Variants in PRTG observed in about 807,000 individuals in gnomAD.
The protein encoded by PRTG is protogenin.
Under a neutral mutation model 122.5 loss-of-function variants are expected in PRTG, and 67 were observed. That is an observed-to-expected ratio of 0.55 (90% CI 0.45 to 0.67). PRTG has a LOEUF of 0.67. Among genes scored for constraint, PRTG ranks in the 30% least tolerant of loss-of-function variants. PRTG has a pLI of 0.00. For missense variants in PRTG, 1,435 were observed against 1,415.4 expected, an observed-to-expected ratio of 1.01 and a Z score of -0.22; for synonymous variants, 554 against 501.1, an observed-to-expected ratio of 1.11 and a Z score of -1.41.
intron 2 of PRTG, among the ~76,000 whole-genome samples, chr15:55,717,905 A>G (rs2030658076): frequency 6.6e-6 from 1 of 152,146 alleles, no homozygotes. Flanking sequence ...GTCTCTTCAC[A>G]TGGACGCGCA....
chr15:55,687,879 C>T (rs1380369584), intron 2 of PRTG, among the ~76,000 whole-genome samples: 1 of 152,192 alleles, frequency 6.6e-6, no homozygotes, highest in African/African-American at 2.4e-5. Flanking sequence ...AAGAAAGAGG[C>T]AACCATGAAT....
rs1021664220 is a variant in PRTG, at chr15:55,646,914, C to G, written c.2042-5706G>C. On this transcript the variant is annotated intron_variant, in intron 11 of 19. Coordinates refer to ENST00000389286, the MANE Select transcript of PRTG (RefSeq NM_173814.6). The stretch of plus-strand genomic sequence containing the variant: ...CTATGGCTGTACTCTCCATCTTCTC[C>G]CTGCTGTCCCTAGGACTGGTCTAAC... 2.6e-5 allele frequency among the ~76,000 whole-genome samples: 4 copies of G among 152,260 alleles called. No homozygotes were observed. In the South Asian group the frequency reaches 8.3e-4, roughly 32 times the overall value.
intron 2 of PRTG, among the ~76,000 whole-genome samples, chr15:55,734,587 TTA>T (rs574842277): frequency 3.3e-5 from 5 of 150,802 alleles, no homozygotes; most frequent in African/African-American, 7.3e-5. Flanking sequence ...TAAAGCTATT[TTA>T]TATATATATA....
intron 2 of PRTG, among the ~76,000 whole-genome samples, chr15:55,719,022 G>A (rs536709712): frequency 6.6e-5 from 10 of 152,266 alleles, no homozygotes; most frequent in South Asian, 2.1e-4. Flanking sequence ...TAGGATTACA[G>A]GCATGAGCCA....
intron 2 of PRTG, chr15:55,738,634 A>T: frequency 1.6e-6 from 1 of 629,626 alleles, no homozygotes; most frequent in Admixed American, 2.5e-5. Flanking sequence ...TATAAGCATA[A>T]AAAGCACACT....
chr15:55,719,781 C>T (rs753535499), intron 2 of PRTG, among the ~76,000 whole-genome samples: 6 of 152,004 alleles, frequency 3.9e-5, no homozygotes, highest in African/African-American at 7.3e-5. Flanking sequence ...GGGTTTGGCC[C>T]GGCGCACTGA....
In PRTG at chr15:55,694,779, G is replaced by A. The variant is rs930032073; in HGVS notation, c.398-10848C>T. 2.0e-5 allele frequency among the ~76,000 whole-genome samples: 3 copies of A among 152,052 alleles called. No individual in the cohort carries two copies. In the East Asian group the frequency reaches 5.8e-4, roughly 29 times the overall value. ...AAATATTTTGCATTTATTTAAATGG[G>A]AAAACACCTCATGTCCTATGCAAAT... On this transcript the variant is annotated intron_variant, in intron 2 of 19. Coordinates refer to ENST00000389286, the MANE Select transcript of PRTG (RefSeq NM_173814.6).
intron 2 of PRTG, among the ~76,000 whole-genome samples, chr15:55,686,434 C>T (rs1054850619): frequency 1.3e-5 from 2 of 152,072 alleles, no homozygotes; most frequent in African/African-American, 4.8e-5. Context: ...AGAAGCTCCC[C>T]CAGCCTGTCC....
At chr15:55,659,932 C>CAAAACAAAAG (rs1209103962) in intron 11 of PRTG, among the ~76,000 whole-genome samples, 2 of 151,746 alleles carry the variant, frequency 1.3e-5, no homozygotes, top group African/African-American at 2.4e-5. Flanking sequence ...GTCTCAAAAA[C>CAAAACAAAAG]AAAACAAAAC....
chr15:55,723,037 G>A (rs2030889417), intron 2 of PRTG, among the ~76,000 whole-genome samples: 1 of 152,124 alleles, frequency 6.6e-6, no homozygotes, highest in Non-Finnish European at 1.5e-5. Context: ...AAAGCCCCTG[G>A]CCTATACCAC....
Position 55,627,179 on chromosome 15 carries a change from T to C in PRTG, c.2807-51A>G, listed in dbSNP as rs564496123. The C allele has an allele frequency of 2.2e-6, 3 of 1,387,966 alleles. No homozygotes were observed. In the East Asian group the frequency reaches 8.0e-5, roughly 37 times the overall value. The allele number at this position is 1,387,966 out of a possible 1,614,324, so 86.0% of individuals were successfully genotyped here. A position where few individuals can be genotyped will look rare whatever the true frequency, so the allele number is the denominator to read the frequency against. Reference sequence around the variant, plus strand: ...GAATCAATCAGAAAAATAAATTATTTAATTTATAATTCTCAGGTACTTGCT... The same window carrying C: ...GAATCAATCAGAAAAATAAATTATTCAATTTATAATTCTCAGGTACTTGCT... On this transcript the variant is annotated intron_variant, in intron 16 of 19. Coordinates refer to ENST00000389286, the MANE Select transcript of PRTG (RefSeq NM_173814.6).
rs2031582448 is a variant in PRTG, at chr15:55,740,699, A to C, written c.95-15T>G. The C allele has an allele frequency of 6.3e-7, 1 of 1,587,872 alleles. No homozygotes were observed. Among genetic ancestry groups the C allele is most frequent in the African/African-American group, 1.4e-5 (1 of 73,268 alleles). On this transcript the variant is annotated splice_polypyrimidine_tract_variant and intron_variant, in intron 1 of 19. Coordinates refer to ENST00000389286, the MANE Select transcript of PRTG (RefSeq NM_173814.6). Reference sequence around the variant, plus strand: ...GCACCACACTCCTATAAGGAAAAAAAAGGAGAACGGCACATCCAGAATTAC... The same window carrying C: ...GCACCACACTCCTATAAGGAAAAAACAGGAGAACGGCACATCCAGAATTAC...
At chr15:55,719,325 AAC>A (rs1449238858) in intron 2 of PRTG, among the ~76,000 whole-genome samples, 1 of 152,224 alleles carries the variant, frequency 6.6e-6, no homozygotes, top group East Asian at 1.9e-4. Context: ...CAAAACAAAA[AAC>A]AGTGTGTTTG....
Position 55,673,500 on chromosome 15 carries a change from C to A in PRTG, c.1723G>T (p.Glu575Ter), listed in dbSNP as rs372777171. The A allele has an allele frequency of 3.7e-6, 6 of 1,614,046 alleles. No individual in the cohort carries two copies. Among genetic ancestry groups the A allele is most frequent in the Non-Finnish European group, 5.1e-6 (6 of 1,180,030 alleles). ...GGTTTCAGGCCTTCCAAAAGGTACT[C>A]ATGCGTGGTCCCCGGGAGCTCCAGA... is the stretch of plus-strand genomic sequence containing the variant. Reference protein sequence around the residue: ...QVLELPGTTHEYLLEGLKPDS... With the variant: ...QVLELPGTTH Residue 575 changes from glutamate (E) to a stop codon, truncating the protein, a stop_gained, in exon 10 of 20, where the codon GAG becomes TAG. Coordinates refer to ENST00000389286, the MANE Select transcript of PRTG (RefSeq NM_173814.6). LOFTEE classifies it high-confidence loss of function.
chr15:55,620,160 G>A lies in PRTG; in HGVS notation c.3305C>T (p.Ser1102Leu). The A allele has an allele frequency of 6.2e-7, 1 of 1,614,214 alleles. No homozygotes were observed. Among genetic ancestry groups the A allele is most frequent in the Non-Finnish European group, 8.5e-7 (1 of 1,180,032 alleles). Residue 1102 changes from serine (S) to leucine (L), a missense_variant, in exon 20 of 20, where the codon TCA becomes TTA. Transcript: ENST00000389286. ...PSSPGQTTSF[S>L]RPFGVAADTE... ...ATCAGCTGCAACACCAAAGGGTCTTGAGAAGCTGGTTGTCTGACCTGGGGA... is the reference window on the plus strand; with the variant it reads ...ATCAGCTGCAACACCAAAGGGTCTTAAGAAGCTGGTTGTCTGACCTGGGGA...
rs899067121 is a variant in PRTG, at chr15:55,677,963, T to A, written c.1215A>T (p.Leu405Phe). 2.5e-6 allele frequency: 4 copies of A among 1,613,114 alleles called. No homozygotes were observed. Among genetic ancestry groups the A allele is most frequent in the Non-Finnish European group, 3.4e-6 (4 of 1,179,376 alleles). Residue 405 changes from leucine (L) to phenylalanine (F), a missense_variant, in exon 8 of 20, where the codon TTA becomes TTT. Leu to Phe is a conservative substitution (Grantham distance 22). Coordinates refer to ENST00000389286, the MANE Select transcript of PRTG (RefSeq NM_173814.6). ...TCACTACAGTCAGTCTGGCTCTAGA[T>A]AAAATAGATCCTTGGCTATTCTCAG... Reference protein sequence around the residue: ...CMAENSQGSILSRARLTVVMS... With the variant: ...CMAENSQGSIFSRARLTVVMS...
At chr15:55,678,567 A>G (rs1299111739) in intron 7 of PRTG, among the ~76,000 whole-genome samples, 1 of 152,206 alleles carries the variant, frequency 6.6e-6, no homozygotes, top group Non-Finnish European at 1.5e-5. Context: ...TTTAGATAAT[A>G]AAAGTTACTG....
chr15:55,651,897 G>C (rs993656732), intron 11 of PRTG, among the ~76,000 whole-genome samples: 2 of 152,146 alleles, frequency 1.3e-5, no homozygotes, highest in African/African-American at 4.8e-5. Context: ...AAGACTTAGA[G>C]AGTTTTATTT....
intron 11 of PRTG, among the ~76,000 whole-genome samples, chr15:55,648,055 T>C (rs1595618418): frequency 6.6e-6 from 1 of 152,346 alleles, no homozygotes; most frequent in Middle Eastern, 3.4e-3. Context: ...ATCTTCCATA[T>C]TGATCTAATA....
Sources: gnomAD v4.1 joint callset for allele counts (sites outside exome capture counted in the v4.1 genomes callset) on GRCh38, gnomAD v4.1.1 for gene constraint, MANE v1.5 for transcripts, NCBI Gene and HGNC (gene_info 2026-07-23, HGNC 2026-07-21) for gene names.